Variants in SRSF7 observed in about 807,000 individuals in gnomAD.
The protein encoded by SRSF7 is serine/arginine-rich splicing factor 7.
Under a neutral mutation model 42.2 loss-of-function variants are expected in SRSF7, and 15 were observed. The ratio of observed to expected loss-of-function variants is 0.36; its 90% confidence interval spans 0.24 to 0.55. The LOEUF (loss-of-function observed/expected upper bound fraction) is 0.55. Among genes scored for constraint, SRSF7 ranks in the 20% least tolerant of loss-of-function variants. The pLI is 0.88. For synonymous variants in SRSF7, 138 were observed against 107.9 expected (o/e 1.28, Z -1.73); for missense variants, 181 against 305.9 (o/e 0.59, Z 3.04).
intron 5 of SRSF7, 83 bp from the exon 6 acceptor site, chr2:38,746,830 T>C: frequency 6.3e-7 from 1 of 1,583,546 alleles, no homozygotes; most frequent in Non-Finnish European, 8.6e-7. Context: ...ATTAGGTTGG[T>C]CAGGCATAAA....
chr2:38,749,434 T>C, intron 3 of SRSF7, 95 bp downstream of exon 3: 1 of 1,558,552 alleles, frequency 6.4e-7, no homozygotes, highest in African/African-American at 1.4e-5. Flanking sequence ...ACAATTAACA[T>C]TCAAGTTTAT....
Position 38,748,580 on chromosome 2 carries a change from T to G in SRSF7, c.460A>C (p.Arg154=). ...GACTTCAGTTAAACAAGATCTCACC[T>G]TCGTCCCCTGCTCCTGCTGCGTGAG... ...SRSRSRSRGR[R]SRSASPRRSR... Residue 154 remains arginine (R), a splice_region_variant and synonymous_variant, in exon 4 of 8, where the codon AGG becomes CGG. Coordinates refer to ENST00000313117, the MANE Select transcript of SRSF7 (RefSeq NM_001031684.3). 6.2e-7 allele frequency: 1 copy of G among 1,613,980 alleles called. No individual in the cohort carries two copies. Among genetic ancestry groups the G allele is most frequent in the Non-Finnish European group, 8.5e-7 (1 of 1,179,822 alleles).
Position 38,749,621 on chromosome 2 carries a change from A to T in SRSF7, c.294T>A (p.Arg98=). The T allele has an allele frequency of 1.9e-5, 31 of 1,608,880 alleles. No individual in the cohort carries two copies. In the Admixed American group the frequency reaches 5.1e-4, roughly 27 times the overall value. Residue 98 remains arginine, a synonymous_variant, in exon 3 of 8, where the codon CGT becomes CGA. Coordinates refer to ENST00000313117, the MANE Select transcript of SRSF7 (RefSeq NM_001031684.3). ...AGCATCTATCATTTGGATCAAAGGG[A>T]CGTCGGGCAGGTGGTCTATCAAAAC... ...RSRFDRPPAR[R]PFDPNDRCYE... is the part of the protein sequence containing the mutation.
At chr2:38,748,883 G>T in intron 3 of SRSF7, 2 of 1,378,160 alleles carry the variant, frequency 1.5e-6, no homozygotes, top group Middle Eastern at 2.7e-4. Flanking sequence ...ACTGTAATGT[G>T]TATTTAAAAT....
At chr2:38,749,132 CA>C in intron 3 of SRSF7, 1 of 1,317,456 alleles carries the variant, frequency 7.6e-7, no homozygotes, top group Non-Finnish European at 1.0e-6. Flanking sequence ...AATTGTAAGC[CA>C]AATTTACTGT....
At chr2:38,750,839 T>C (rs1668222233) in intron 1 of SRSF7, 4 of 268,906 alleles carry the variant, frequency 1.5e-5, no homozygotes, top group South Asian at 1.3e-4. Flanking sequence ...CGGCCAGATC[T>C]GTCCGCTGAA....
rs527288747 is a variant in SRSF7 at position 38,751,095 on chromosome 2, G to A, written c.28+134C>T. ...CAGCACCCCGCCTCCGCTGCCTCCG[G>A]CTTCGTCTGGCGTGCTCCTAAGCCG... On this transcript the variant is annotated intron_variant, in intron 1 of 7. Coordinates refer to ENST00000313117, the MANE Select transcript of SRSF7 (RefSeq NM_001031684.3). 4 of 1,199,202 alleles carry A rather than the reference G, an allele frequency of 3.3e-6. No individual in the cohort carries two copies. In the African/African-American group the frequency reaches 6.0e-5, roughly 18 times the overall value. 74.3% of individuals were successfully genotyped at this position (1,199,202 alleles called of 1,614,324 possible).
Position 38,744,976 on chromosome 2 carries a change from TTA to T in SRSF7, c.*155_*156del. On this transcript the variant is annotated 3_prime_UTR_variant, in exon 8 of 8. Coordinates refer to ENST00000313117, the MANE Select transcript of SRSF7 (RefSeq NM_001031684.3). ...ATGATGTTAATACATTCAACAAAAT[TTA>T]TATTATCTTACTGCTGTGAATTTAC... 1.5e-6 allele frequency: 1 copy of T among 677,122 alleles called. No individual in the cohort carries two copies. The highest frequency in any genetic ancestry group is 2.4e-6 in the Non-Finnish European group (1 of 423,670). The allele number at this position is 677,122 out of a possible 1,614,324, so 41.9% of individuals were successfully genotyped here. A position where few individuals can be genotyped will look rare whatever the true frequency, so the allele number is the denominator to read the frequency against.
chr2:38,745,283 G>A (rs1667197697), intron 7 of SRSF7, 96 bp from the exon 8 acceptor site: 6 of 1,277,738 alleles, frequency 4.7e-6, no homozygotes, highest in Non-Finnish European at 5.6e-6. Flanking sequence ...GTGGCCTAAG[G>A]TACTAATTTC....
intron 2 of SRSF7, 132 bp downstream of exon 2, chr2:38,749,882 G>A (rs1572569134): frequency 2.4e-6 from 3 of 1,262,264 alleles, no homozygotes; most frequent in East Asian, 2.5e-5. Flanking sequence ...ACCTTCGTGT[G>A]CCTTTAGCAT....
Position 38,749,612 on chromosome 2 carries a change from A to G in SRSF7, c.303T>C (p.Asp101=). Residue 101 remains aspartate, a synonymous_variant, in exon 3 of 8, where the codon GAT becomes GAC. Transcript: ENST00000313117. The stretch of plus-strand genomic sequence containing the variant: ...CACACTCATAGCATCTATCATTTGG[A>G]TCAAAGGGACGTCGGGCAGGTGGTC... ...FDRPPARRPF[D]PNDRCYECGE... is the part of the protein sequence containing the mutation. The G allele has an allele frequency of 2.5e-6, 4 of 1,608,666 alleles. No homozygotes were observed. In the South Asian group the frequency reaches 4.5e-5, roughly 18 times the overall value.
Position 38,751,265 on chromosome 2 carries a change from AC to A in SRSF7, c.-10del. The A allele has an allele frequency of 6.2e-7, 1 of 1,613,896 alleles. No homozygotes were observed. The highest frequency in any genetic ancestry group is 1.3e-5 in the African/African-American group (1 of 74,866). ...CGCCCGTAACGCGACATGATGACAG[AC>A]CCGCGTGCTCGGCTCTTTAGCAAGC... is the stretch of plus-strand genomic sequence containing the variant. On this transcript the variant is annotated 5_prime_UTR_variant, in exon 1 of 8. Transcript: ENST00000313117.
intron 3 of SRSF7, 56 bp from the exon 4 acceptor site, chr2:38,748,709 G>A: frequency 3.3e-6 from 5 of 1,535,434 alleles, no homozygotes; most frequent in Non-Finnish European, 4.5e-6. Flanking sequence ...GTTTTTAAGA[G>A]TTTGTGTGCC....
chr2:38,746,846 TA>T, intron 5 of SRSF7, 99 bp from the exon 6 acceptor site: 1 of 1,558,200 alleles, frequency 6.4e-7, no homozygotes, highest in Non-Finnish European at 8.7e-7. Context: ...ATAAAGAAGC[TA>T]AAACTAAACA....
intron 4 of SRSF7, 102 bp from the exon 5 acceptor site, chr2:38,748,259 A>G: frequency 2.4e-6 from 2 of 848,808 alleles, no homozygotes; most frequent in Non-Finnish European, 3.8e-6. Context: ...CCATAATCCC[A>G]GCACTGCGGG....
chr2:38,751,444 G>C, upstream of SRSF7: 1 of 729,844 alleles, frequency 1.4e-6, no homozygotes, highest in Non-Finnish European at 2.2e-6. Context: ...GCGGCACAAA[G>C]GAGCTGGGCG....
Position 38,743,664 on chromosome 2 carries a change from A to T in SRSF7, c.*1469T>A. Reference sequence around the variant, plus strand: ...TATCTTTAAATAATACAGAACAATTAAAGCTAACCAAGTGCAACAGATAAA... The same window carrying T: ...TATCTTTAAATAATACAGAACAATTTAAGCTAACCAAGTGCAACAGATAAA... On this transcript the variant is annotated 3_prime_UTR_variant, in exon 8 of 8. Coordinates refer to ENST00000313117, the MANE Select transcript of SRSF7 (RefSeq NM_001031684.3). The T allele has an allele frequency of 3.3e-5, 5 of 152,690 alleles. No homozygotes were observed. Among genetic ancestry groups the T allele is most frequent in the Admixed American group, 3.3e-4 (5 of 15,288 alleles). The allele number at this position is 152,690 out of a possible 1,614,324, so 9.5% of individuals were successfully genotyped here. A position where few individuals can be genotyped will look rare whatever the true frequency, so the allele number is the denominator to read the frequency against.
In SRSF7 at chr2:38,745,191, A is replaced by T; in HGVS notation, c.663-4T>A. On this transcript the variant is annotated splice_polypyrimidine_tract_variant and splice_region_variant and intron_variant, in intron 7 of 7. Transcript: ENST00000313117. The stretch of plus-strand genomic sequence containing the variant: ...AGGACTTCCTGATGGGGAACGACTA[A>T]AAAGAAAAACATTAGGTTTGGATCC... The T allele has an allele frequency of 6.2e-7, 1 of 1,614,154 alleles. No individual in the cohort carries two copies. The highest frequency in any genetic ancestry group is 8.5e-7 in the Non-Finnish European group (1 of 1,179,996).
Position 38,751,359 on chromosome 2 carries a change from T to A in SRSF7, c.-103A>T. On this transcript the variant is annotated 5_prime_UTR_variant, in exon 1 of 8. Coordinates refer to ENST00000313117, the MANE Select transcript of SRSF7 (RefSeq NM_001031684.3). Reference sequence around the variant, plus strand: ...CACCCGCCAAGAGTCCCGGCGGCACTACGAGGAAGAGCCCGGGTTCGCGTT... The same window carrying A: ...CACCCGCCAAGAGTCCCGGCGGCACAACGAGGAAGAGCCCGGGTTCGCGTT... The A allele has an allele frequency of 6.6e-7, 1 of 1,525,410 alleles. No homozygotes were observed. The highest frequency in any genetic ancestry group is 9.0e-7 in the Non-Finnish European group (1 of 1,105,442). The allele number at this position is 1,525,410 out of a possible 1,614,324, so 94.5% of individuals were successfully genotyped here.
Sources: allele counts gnomAD v4.1 joint callset, GRCh38; gene constraint gnomAD v4.1.1; transcripts MANE v1.5; gene names NCBI Gene and HGNC (gene_info 2026-07-23, HGNC 2026-07-21).